The following FSD1L variants were observed in gnomAD, a reference collection of about 807,000 sequenced individuals.
FSD1L encodes FSD1-like protein.
A neutral mutation model predicts 71.6 loss-of-function variants in FSD1L; 45 were observed. The ratio of observed to expected loss-of-function variants is 0.63; its 90% CI spans 0.49 to 0.81. The LOEUF (loss-of-function observed/expected upper bound fraction) is 0.81. FSD1L is among the 30% of genes least tolerant of loss of function. The pLI is 0.00. For missense variants in FSD1L, 561 were observed against 618.1 expected, an observed-to-expected ratio of 0.91 and a Z score of 0.98; for synonymous variants, 197 against 207.2, an observed-to-expected ratio of 0.95 and a Z score of 0.42.
chr9:105,522,225 T>C, intron 10 of FSD1L: 1 of 1,613,522 alleles, frequency 6.2e-7, no homozygotes, highest in Non-Finnish European at 8.5e-7. Context: ...TTGGGAAGAG[T>C]TGGCCACTGA....
chr9:105,510,374 T>G (rs757041986), intron 9 of FSD1L, among the ~76,000 whole-genome samples: 13 of 152,188 alleles, frequency 8.5e-5, no homozygotes, highest in Non-Finnish European at 1.9e-4. Context: ...GGTTATTCCA[T>G]AGCATTAGTG....
chr9:105,535,019 A>G, intron 11 of FSD1L, 48 bp from the exon 12 acceptor site: 3 of 1,543,558 alleles, frequency 1.9e-6, no homozygotes, highest in Non-Finnish European at 2.6e-6. Flanking sequence ...AAACTGTGTG[A>G]CTCATAAGGA....
In FSD1L at chr9:105,521,718, A is replaced by C. The variant is rs1057249278; in HGVS notation, c.1025+8782A>C. ...AAGAGAAGAGGAAAATGGGACCAAT[A>C]CTGCTGATCATGTTCGAAATTCCAG... On this transcript the variant is annotated intron_variant, in intron 10 of 13. Transcript: ENST00000481272. 9.3e-6 allele frequency: 15 copies of C among 1,613,230 alleles called. No individual in the cohort carries two copies. The African/African-American group carries it at 1.7e-4, about 19-fold the overall frequency.
At chr9:105,512,192 G>A (rs895601094) in intron 9 of FSD1L, among the ~76,000 whole-genome samples, 5 of 147,980 alleles carry the variant, frequency 3.4e-5, no homozygotes, top group Non-Finnish European at 7.4e-5. Flanking sequence ...TAATCTGGAA[G>A]TCATAGTTTT....
intron 10 of FSD1L, chr9:105,526,147 G>A: frequency 6.4e-7 from 1 of 1,573,484 alleles, no homozygotes; most frequent in South Asian, 1.1e-5. Flanking sequence ...GAATGGAAAG[G>A]TTCTACCCAT....
At chr9:105,481,899 A>G (rs973297969) in intron 6 of FSD1L, among the ~76,000 whole-genome samples, 1 of 151,756 alleles carries the variant, frequency 6.6e-6, no homozygotes, top group African/African-American at 2.4e-5. Context: ...CTGCCGCCTG[A>G]GCAGCTGGGA....
At chr9:105,513,335 C>G (rs1265632408) in intron 10 of FSD1L, among the ~76,000 whole-genome samples, 2 of 152,138 alleles carry the variant, frequency 1.3e-5, no homozygotes, top group African/African-American at 2.4e-5. Flanking sequence ...TGCCTCTGAT[C>G]AGCAACACAA....
chr9:105,469,335 G>A lies in FSD1L; in HGVS notation c.339+1011G>A, dbSNP rs371998128. Among the ~76,000 whole-genome samples, 95 of 151,812 alleles carry A rather than the reference G, an allele frequency of 6.3e-4. No homozygotes were observed. The South Asian group carries it at 0.019, about 30-fold the overall frequency. The stretch of plus-strand genomic sequence containing the variant: ...GTAATTCTCTTTATAATTTTCTGAG[G>A]ACCCTCTATATAATGTTTTCCATAG... On this transcript the variant is annotated intron_variant, in intron 4 of 13. Coordinates refer to ENST00000481272, the MANE Select transcript of FSD1L (RefSeq NM_001145313.3).
chr9:105,520,525 A>C (rs1835077812), intron 10 of FSD1L: 2 of 1,179,210 alleles, frequency 1.7e-6, no homozygotes, highest in African/African-American at 1.5e-5. Flanking sequence ...TTTTGAGAAA[A>C]TTTTACAACT....
At chr9:105,486,485 T>C (rs1000134484) in intron 7 of FSD1L, among the ~76,000 whole-genome samples, 11 of 152,292 alleles carry the variant, frequency 7.2e-5, no homozygotes, top group Admixed American at 5.9e-4. Flanking sequence ...TCTTGGGAGA[T>C]AGGGACTTAA....
At chr9:105,469,824 A>G (rs1374599927) in intron 4 of FSD1L, among the ~76,000 whole-genome samples, 1 of 151,486 alleles carries the variant, frequency 6.6e-6, no homozygotes, top group Non-Finnish European at 1.5e-5. Context: ...TCATTGTCAT[A>G]TCCAGGAAAT....
intron 7 of FSD1L, among the ~76,000 whole-genome samples, chr9:105,485,896 G>A (rs1832519193): frequency 6.6e-6 from 1 of 152,038 alleles, no homozygotes; most frequent in African/African-American, 2.4e-5. Flanking sequence ...GCCCGCCTCG[G>A]CCTCCCAAAG....
At chr9:105,481,877 G>T (rs554617439) in intron 6 of FSD1L, among the ~76,000 whole-genome samples, 3 of 151,946 alleles carry the variant, frequency 2.0e-5, no homozygotes, top group African/African-American at 7.2e-5. Flanking sequence ...GGCTTAAGGG[G>T]CCCTTCCACC....
chr9:105,473,946 C>T (rs1015833751), intron 5 of FSD1L, among the ~76,000 whole-genome samples: 8 of 152,104 alleles, frequency 5.3e-5, no homozygotes, highest in Non-Finnish European at 8.8e-5. Context: ...TATGCCACTT[C>T]GCTTATTCTT....
intron 1 of FSD1L, among the ~76,000 whole-genome samples, chr9:105,450,369 T>G (rs1410805439): frequency 6.6e-6 from 1 of 152,206 alleles, no homozygotes; most frequent in Non-Finnish European, 1.5e-5. Context: ...CATTGGGATT[T>G]GGGCTTTACA....
At chr9:105,472,746 T>C (rs1422097895) in intron 5 of FSD1L, 4 of 152,198 alleles carry the variant, frequency 2.6e-5, no homozygotes, top group Admixed American at 1.3e-4. Flanking sequence ...TTTTATGATT[T>C]TCTGTGAACT....
chr9:105,482,949 G>A (rs906668426), intron 6 of FSD1L, among the ~76,000 whole-genome samples: 4 of 152,176 alleles, frequency 2.6e-5, no homozygotes, highest in African/African-American at 9.6e-5. Context: ...GATTCAGTGA[G>A]CATTTAGTAA....
intron 4 of FSD1L, among the ~76,000 whole-genome samples, 180 bp from the exon 5 acceptor site, chr9:105,471,724 T>TTATATATATATATATA (rs35702574): frequency 7.0e-6 from 1 of 143,330 alleles, no homozygotes; most frequent in South Asian, 2.2e-4. Flanking sequence ...ATAACACGTT[T>TTATATATATATATATA]TATATATATA....
rs569837615 is a variant in FSD1L at position 105,491,480 on chromosome 9, T to G, written c.586+6978T>G. Among the ~76,000 whole-genome samples the G allele has an allele frequency of 8.7e-4, 132 of 152,292 alleles. 2 individuals carry two copies. Among genetic ancestry groups the G allele is most frequent in the African/African-American group, 3.1e-3 (129 of 41,550 alleles). On this transcript the variant is annotated intron_variant, in intron 7 of 13. Coordinates refer to ENST00000481272, the MANE Select transcript of FSD1L (RefSeq NM_001145313.3). ...TTGACTTCCTCTTTTCCTAACTGAA[T>G]ACCCTTTATTTCCTTCTCCTGCCCA... is the stretch of plus-strand genomic sequence containing the variant.
Sources: gnomAD v4.1 joint callset for allele counts (sites outside exome capture counted in the v4.1 genomes callset) on GRCh38, gnomAD v4.1.1 for gene constraint, MANE v1.5 for transcripts, NCBI Gene and HGNC (gene_info 2026-07-23, HGNC 2026-07-21) for gene names.